The following TSHZ2 variants were observed in gnomAD, a reference collection of about 807,000 sequenced individuals.
TSHZ2 encodes the protein teashirt homolog 2.
Under a neutral mutation model 74.4 loss-of-function variants are expected in TSHZ2, and 21 were observed. The ratio of observed to expected loss-of-function variants is 0.28; its 90% CI spans 0.20 to 0.41. TSHZ2 has a LOEUF of 0.41. TSHZ2 is among the 10% of genes least tolerant of loss of function. The pLI is 1.00. For synonymous variants in TSHZ2, 540 were observed against 515.3 expected, an observed-to-expected ratio of 1.05 and a Z score of -0.65; for missense variants, 1,244 against 1,293.5, an observed-to-expected ratio of 0.96 and a Z score of 0.59.
chr20:53,054,706 T>A (rs1377847699), intron 1 of TSHZ2, among the ~76,000 whole-genome samples: 1 of 152,182 alleles, frequency 6.6e-6, no homozygotes, highest in African/African-American at 2.4e-5. Context: ...TAACTTTAAT[T>A]CATTAATAGG....
At chr20:53,049,896 A>G (rs1303780091) in intron 1 of TSHZ2, among the ~76,000 whole-genome samples, 1 of 151,872 alleles carries the variant, frequency 6.6e-6, no homozygotes, top group African/African-American at 2.4e-5. Flanking sequence ...AGCCTGGCCA[A>G]CACGGTGAAA....
intron 1 of TSHZ2, among the ~76,000 whole-genome samples, chr20:53,001,205 C>CCT (rs1555813534): frequency 5.3e-5 from 5 of 94,264 alleles, no homozygotes; most frequent in African/African-American, 2.0e-4. Flanking sequence ...CGTTCATGTG[C>CCT]GTGTGTGTGT....
chr20:53,024,663 C>T (rs193082993), intron 1 of TSHZ2, among the ~76,000 whole-genome samples: 153 of 152,178 alleles, frequency 1.0e-3, no homozygotes, highest in African/African-American at 3.4e-3. Flanking sequence ...CACCCACCAA[C>T]AGGCCCCGGT....
intron 2 of TSHZ2, among the ~76,000 whole-genome samples, chr20:53,369,499 G>A (rs1443194168): frequency 6.6e-6 from 1 of 152,048 alleles, no homozygotes; most frequent in African/African-American, 2.4e-5. Context: ...CTGAGGCCAG[G>A]AGTTCAAGAC....
chr20:53,108,830 G>A (rs1175271483), intron 1 of TSHZ2, among the ~76,000 whole-genome samples: 1 of 152,154 alleles, frequency 6.6e-6, no homozygotes, highest in African/African-American at 2.4e-5. Flanking sequence ...AGAAACAAAA[G>A]CAAACAGGCT....
intron 1 of TSHZ2, among the ~76,000 whole-genome samples, chr20:52,997,847 CTT>C (rs1211641280): frequency 6.6e-6 from 1 of 152,246 alleles, no homozygotes; most frequent in African/African-American, 2.4e-5. Context: ...AGGAAAATCT[CTT>C]TGCCTAAACT....
intron 1 of TSHZ2, among the ~76,000 whole-genome samples, chr20:53,026,554 C>G (rs1600652902): frequency 6.6e-6 from 1 of 152,126 alleles, no homozygotes; most frequent in Middle Eastern, 3.4e-3. Context: ...TTTTCTAAGA[C>G]AAGCCAACAA....
chr20:53,203,904 C>T (rs1469125308), intron 1 of TSHZ2, among the ~76,000 whole-genome samples: 1 of 151,988 alleles, frequency 6.6e-6, no homozygotes, highest in Non-Finnish European at 1.5e-5. Flanking sequence ...CATGGGGCTA[C>T]TAAGCCCTTC....
intron 1 of TSHZ2, among the ~76,000 whole-genome samples, chr20:53,251,345 T>C (rs1424640858): frequency 1.3e-5 from 2 of 152,252 alleles, no homozygotes; most frequent in Non-Finnish European, 2.9e-5. Flanking sequence ...TATTTTATCA[T>C]TTGTTATTTA....
chr20:53,018,670 T>G (rs1169384829), intron 1 of TSHZ2, among the ~76,000 whole-genome samples: 7 of 152,220 alleles, frequency 4.6e-5, no homozygotes, highest in African/African-American at 1.7e-4. Context: ...TAACACATCT[T>G]TCCATATGCT....
chr20:53,428,824 A>G (rs2145728651), intron 2 of TSHZ2, among the ~76,000 whole-genome samples: 1 of 152,248 alleles, frequency 6.6e-6, no homozygotes, highest in East Asian at 1.9e-4. Context: ...CATGCATGTG[A>G]ATGACAGGCA....
At chr20:53,111,031 C>T (rs191691955) in intron 1 of TSHZ2, among the ~76,000 whole-genome samples, 138 of 152,264 alleles carry the variant, frequency 9.1e-4, no homozygotes, top group Non-Finnish European at 1.2e-3. Flanking sequence ...AAAAAGTTCT[C>T]TGTGAAAAGG....
At chr20:53,206,334 C>T (rs1350250628) in intron 1 of TSHZ2, among the ~76,000 whole-genome samples, 2 of 152,210 alleles carry the variant, frequency 1.3e-5, no homozygotes, top group African/African-American at 2.4e-5. Flanking sequence ...GTCCCTGGCA[C>T]AAAACAGGCC....
intron 1 of TSHZ2, among the ~76,000 whole-genome samples, chr20:52,981,950 G>A (rs1774543501): frequency 6.6e-6 from 1 of 152,190 alleles, no homozygotes; most frequent in Non-Finnish European, 1.5e-5. Flanking sequence ...GATCCCTGGG[G>A]ATCTTGCCCT....
chr20:53,267,040 A>G (rs1475836066), intron 2 of TSHZ2, among the ~76,000 whole-genome samples: 1 of 152,184 alleles, frequency 6.6e-6, no homozygotes, highest in Non-Finnish European at 1.5e-5. Flanking sequence ...AGCCTCCCAA[A>G]GTGCTGGGAT....
At chr20:53,414,639 T>C (rs983372364) in intron 2 of TSHZ2, among the ~76,000 whole-genome samples, 5 of 152,014 alleles carry the variant, frequency 3.3e-5, no homozygotes, top group Admixed American at 2.0e-4. Context: ...GCCTGGGCAA[T>C]AGAGCAAGAC....
At chr20:53,197,921 A>C (rs1033479153) in intron 1 of TSHZ2, among the ~76,000 whole-genome samples, 3 of 152,224 alleles carry the variant, frequency 2.0e-5, no homozygotes, top group Non-Finnish European at 4.4e-5. Flanking sequence ...GCTTTGAAGT[A>C]AGCATGGGCA....
intron 2 of TSHZ2, among the ~76,000 whole-genome samples, chr20:53,476,358 G>T (rs6097436): frequency 2.0e-5 from 3 of 146,710 alleles, no homozygotes; most frequent in Admixed American, 1.4e-4. Flanking sequence ...GTTCAATATA[G>T]GCAAATCAAT....
intron 2 of TSHZ2, among the ~76,000 whole-genome samples, chr20:53,422,148 G>T (rs1012539579): frequency 6.6e-6 from 1 of 152,060 alleles, no homozygotes; most frequent in African/African-American, 2.4e-5. Context: ...CCGAGTTAAG[G>T]TTATGATTAT....
Sources: gnomAD v4.1 joint callset for allele counts (sites outside exome capture counted in the v4.1 genomes callset) on GRCh38, gnomAD v4.1.1 for gene constraint, MANE v1.5 for transcripts, NCBI Gene and HGNC (gene_info 2026-07-23, HGNC 2026-07-21) for gene names.